MROH2A: variants seen among roughly 807,000 people sequenced by gnomAD.
MROH2A encodes maestro heat like repeat family member 2A, also known as maestro heat-like repeat-containing protein family member 2A.
A neutral mutation model predicts 200.4 loss-of-function variants in MROH2A; 174 were observed. The ratio of observed to expected loss-of-function variants is 0.87; its 90% CI spans 0.77 to 0.98. The LOEUF (loss-of-function observed/expected upper bound fraction) is 0.98, where lower values mean the gene tolerates loss of function less well. MROH2A is among the 50% of genes least tolerant of loss of function. The probability of loss-of-function intolerance (pLI) is 0.00; values close to 1 mark genes in which losing one functional copy is unlikely to be tolerated. For missense variants in MROH2A, 2,045 were observed against 2,139.6 expected, an observed-to-expected ratio of 0.96 and a Z score of 0.87; for synonymous variants, 829 against 840.4, an observed-to-expected ratio of 0.99 and a Z score of 0.23.
chr2:233,815,348 A>G lies in MROH2A; in HGVS notation c.2856+671A>G, dbSNP rs531755968. On this transcript the variant is annotated intron_variant, in intron 26 of 41. Coordinates refer to ENST00000389758, the MANE Select transcript of MROH2A (RefSeq NM_001394639.1). The stretch of plus-strand genomic sequence containing the variant: ...ATGTGATTTGCAAATATTTTCTTCT[A>G]GTCTGTGGCCTTTTTATTGATTTCC... Among the ~76,000 whole-genome samples the G allele has an allele frequency of 3.3e-5, 5 of 152,320 alleles. No individual in the cohort carries two copies. In the South Asian group the frequency reaches 8.3e-4, roughly 25 times the overall value.
chr2:233,796,197 C>G lies in MROH2A; in HGVS notation c.1139-3C>G. 1 of 1,548,078 alleles carries G rather than the reference C, an allele frequency of 6.5e-7. No individual in the cohort carries two copies. The highest frequency in any genetic ancestry group is 8.7e-7 in the Non-Finnish European group (1 of 1,145,028). ...TGACTAAAGCTGTCCTTCCACCCTG[C>G]AGCTCGCTCCTACCCCAAGGAGCTG... is the stretch of plus-strand genomic sequence containing the variant. On this transcript the variant is annotated splice_polypyrimidine_tract_variant and splice_region_variant and intron_variant, in intron 10 of 41. Transcript: ENST00000389758.
chr2:233,817,916 C>G, intron 27 of MROH2A, 86 bp from the exon 28 acceptor site: 1 of 1,494,412 alleles, frequency 6.7e-7, no homozygotes, highest in Non-Finnish European at 9.0e-7. Context: ...TTTGCCCTAT[C>G]AAGTTGTCCT....
Position 233,828,546 on chromosome 2 carries a change from G to A in MROH2A, c.4114-84G>A. The A allele has an allele frequency of 1.3e-6, 2 of 1,486,490 alleles. No individual in the cohort carries two copies. The highest frequency in any genetic ancestry group is 1.8e-6 in the Non-Finnish European group (2 of 1,106,458). The allele number at this position is 1,486,490 out of a possible 1,614,324, so 92.1% of individuals were successfully genotyped here. ...CTCCTGTCCACAGAGCCACCAATCTGCATTACCTCTCCTCCCACGTCCCAC... is the reference window on the plus strand; with the variant it reads ...CTCCTGTCCACAGAGCCACCAATCTACATTACCTCTCCTCCCACGTCCCAC... On this transcript the variant is annotated intron_variant, in intron 35 of 41. Transcript: ENST00000389758. This position sits in a 1 kb window ranked among gnomAD's most constrained non-coding sequence, Gnocchi z 4.6.
At chr2:233,826,880 AAAAC>A (rs1179378250) in intron 35 of MROH2A, among the ~76,000 whole-genome samples, 8 of 152,230 alleles carry the variant, frequency 5.3e-5, no homozygotes, top group African/African-American at 1.2e-4. Context: ...TTACAAGAAA[AAAAC>A]AAACAATCCT....
chr2:233,800,962 A>C lies in MROH2A; in HGVS notation c.1560+647A>C, dbSNP rs192643754. On this transcript the variant is annotated intron_variant, in intron 14 of 41. Coordinates refer to ENST00000389758, the MANE Select transcript of MROH2A (RefSeq NM_001394639.1). The stretch of plus-strand genomic sequence containing the variant: ...TTTTTTTAATTGCAGAAATAATAAT[A>C]ATCATCATCATCATCATAGCTACAG... Among the ~76,000 whole-genome samples, 732 of 152,062 alleles carry C rather than the reference A, an allele frequency of 4.8e-3. 3 individuals are homozygous for C. Among genetic ancestry groups the C allele is most frequent in the African/African-American group, 0.015 (620 of 41,502 alleles).
In MROH2A at chr2:233,807,666, T is replaced by C. The variant is rs1702891001; in HGVS notation, c.2173-67T>C. The C allele has an allele frequency of 1.3e-6, 2 of 1,548,990 alleles. No individual in the cohort carries two copies. The highest frequency in any genetic ancestry group is 3.9e-5 in the Admixed American group (2 of 50,960). ...TACATGTGTGTGTGCCTTGCACGTG[T>C]GTGTGTGGGATCCTCCTCTGCCCAC... On this transcript the variant is annotated intron_variant, in intron 20 of 41. Transcript: ENST00000389758. The surrounding 1 kb of genome is among the most constrained non-coding windows in gnomAD (Gnocchi z 4.3).
intron 3 of MROH2A, among the ~76,000 whole-genome samples, chr2:233,783,349 T>C (rs1026564428): frequency 6.6e-6 from 1 of 152,188 alleles, no homozygotes; most frequent in African/African-American, 2.4e-5. Context: ...CATCCGGTCC[T>C]GGGCTTTTCT....
intron 15 of MROH2A, 56 bp from the exon 16 acceptor site, chr2:233,803,392 G>A: frequency 1.3e-6 from 2 of 1,536,530 alleles, no homozygotes; most frequent in Middle Eastern, 1.7e-4. Context: ...GGACATAGGA[G>A]CATGTCCTGG....
chr2:233,798,544 C>T (rs1702258148), intron 11 of MROH2A, among the ~76,000 whole-genome samples: 1 of 152,176 alleles, frequency 6.6e-6, no homozygotes, highest in African/African-American at 2.4e-5. Context: ...GGCGAGTTCA[C>T]CTGGGTTCAA....
chr2:233,800,483 C>T (rs1702393204), intron 14 of MROH2A, among the ~76,000 whole-genome samples, 168 bp downstream of exon 14: 2 of 152,228 alleles, frequency 1.3e-5, no homozygotes, highest in African/African-American at 4.8e-5. Flanking sequence ...AGTTCCAAAG[C>T]CAGGTCCTTG....
In MROH2A at chr2:233,796,222, G is replaced by A; in HGVS notation, c.1161G>A (p.Leu387=). Residue 387 remains leucine (L), a synonymous_variant, in exon 11 of 42, where the codon CTG becomes CTA. Coordinates refer to ENST00000389758, the MANE Select transcript of MROH2A (RefSeq NM_001394639.1). ...CAGCTCGCTCCTACCCCAAGGAGCT[G>A]ATGAAGTTCTTCTTCAGCCAGATGG... is the stretch of plus-strand genomic sequence containing the variant. ...VALARSYPKE[L]MKFFFSQMET... 6.5e-7 allele frequency: 1 copy of A among 1,549,870 alleles called. No homozygotes were observed. The highest frequency in any genetic ancestry group is 1.4e-5 in the African/African-American group (1 of 73,058).
Position 233,823,023 on chromosome 2 carries a change from G to A in MROH2A, c.4004+5G>A, listed in dbSNP as rs978495529. The A allele has an allele frequency of 3.2e-6, 5 of 1,549,916 alleles. No individual in the cohort carries two copies. The highest frequency in any genetic ancestry group is 4.4e-6 in the Non-Finnish European group (5 of 1,146,864). On this transcript the variant is annotated splice_donor_5th_base_variant and intron_variant, in intron 34 of 41. Coordinates refer to ENST00000389758, the MANE Select transcript of MROH2A (RefSeq NM_001394639.1). ...GGGTGTGAGCCTGCTGGCCAGGTGG[G>A]CCCTGGCTCCCACAGGGTGGCAGGG...
chr2:233,790,284 T>TTTCC (rs5839493), intron 5 of MROH2A, among the ~76,000 whole-genome samples: 90 of 145,230 alleles, frequency 6.2e-4, no homozygotes, highest in African/African-American at 8.8e-4. Context: ...TCTTTTTTAA[T>TTTCC]TTCCTTCCTT....
chr2:233,831,602 G>C, intron 39 of MROH2A, 62 bp downstream of exon 39: 1 of 1,514,740 alleles, frequency 6.6e-7, no homozygotes, highest in Admixed American at 2.1e-5. Flanking sequence ...TTGGAGCTGG[G>C]GGGTCGAGAT....
rs1252935132 is a variant in MROH2A, at chr2:233,822,951, G to A, written c.3937G>A (p.Glu1313Lys). The part of the protein sequence containing the change: ...KSQHLAHTLD[E>K]QAVWDLLQDG... Reference sequence around the variant, plus strand: ...CCAGCACCTGGCACATACCCTGGACGAGCAGGCAGTGTGGGACCTCCTGCA... The same window carrying A: ...CCAGCACCTGGCACATACCCTGGACAAGCAGGCAGTGTGGGACCTCCTGCA... The change falls in exon 34 of 42, where the codon GAG becomes AAG. Residue 1313 changes from glutamate (E) to lysine (K), a missense_variant. Around this residue, in one of 3 missense-constraint regions of MROH2A, gnomAD observed 1,201 missense variants for 1,311.3 expected, o/e 0.92. Coordinates refer to ENST00000389758, the MANE Select transcript of MROH2A (RefSeq NM_001394639.1). 11 of 1,550,616 alleles carry A rather than the reference G, an allele frequency of 7.1e-6. No homozygotes were observed. In the East Asian group the frequency reaches 7.3e-5, roughly 10 times the overall value.
chr2:233,798,410 C>G (rs910864509), intron 11 of MROH2A, among the ~76,000 whole-genome samples: 2 of 152,192 alleles, frequency 1.3e-5, no homozygotes, highest in African/African-American at 4.8e-5. Flanking sequence ...GGTGTCAGGA[C>G]CCATGCTCTT....
Position 233,807,902 on chromosome 2 carries a change from A to G in MROH2A, c.2295+47A>G. The G allele has an allele frequency of 1.9e-6, 3 of 1,550,300 alleles. No homozygotes were observed. Among genetic ancestry groups the G allele is most frequent in the Middle Eastern group, 1.7e-4 (1 of 5,994 alleles). ...ACTGGGTCTTGGGATCTCTTAGCAC[A>G]GTGCTCTGGGCACTGACACAAAGTC... On this transcript the variant is annotated intron_variant, in intron 21 of 41. Transcript: ENST00000389758. This position sits in a 1 kb window ranked among gnomAD's most constrained non-coding sequence, Gnocchi z 4.3.
At chr2:233,779,317 A>G (rs17868344) in intron 1 of MROH2A, 28 bp from the exon 2 acceptor site, 4 of 1,428,836 alleles carry the variant, frequency 2.8e-6, no homozygotes, top group Non-Finnish European at 3.9e-6. Flanking sequence ...CACACCCCGT[A>G]TTTTACAAAT....
Position 233,795,764 on chromosome 2 carries a change from G to A in MROH2A, c.1059+19G>A. The A allele has an allele frequency of 6.4e-7, 1 of 1,550,948 alleles. No homozygotes were observed. The highest frequency in any genetic ancestry group is 1.4e-5 in the African/African-American group (1 of 73,182). On this transcript the variant is annotated intron_variant, in intron 9 of 41. Transcript: ENST00000389758. ...CGTCCAGGTGAGGCCAGCAAGCTCA[G>A]CTGGACAAGGGCATTCTCTGGGTGG...
Sources: gnomAD v4.1 joint callset for allele counts (sites outside exome capture counted in the v4.1 genomes callset) on GRCh38, gnomAD v4.1.1 for gene constraint, gnomAD v4.1.1 regional missense constraint, Gnocchi (gnomAD v3.1) non-coding constraint, MANE v1.5 for transcripts, NCBI Gene and HGNC (gene_info 2026-07-23, HGNC 2026-07-21) for gene names.